RAI1: variants seen among roughly 807,000 people sequenced by gnomAD.
RAI1 encodes the protein retinoic acid-induced protein 1.
A neutral mutation model predicts 123.8 loss-of-function variants in RAI1; 9 were observed. The ratio of observed to expected loss-of-function variants is 0.07; its 90% CI spans 0.04 to 0.13. The LOEUF (loss-of-function observed/expected upper bound fraction) is 0.13. Ranked by LOEUF, RAI1 falls within the 10% of genes least tolerant of loss-of-function variation. RAI1 has a pLI of 1.00. For synonymous variants in RAI1, 1,231 were observed against 1,127.3 expected (o/e 1.09, Z -1.84); for missense variants, 2,256 against 2,545.8 (o/e 0.89, Z 2.45).
At chr17:17,754,114 G>A (rs1259327438) in intron 2 of RAI1, among the ~76,000 whole-genome samples, 2 of 151,542 alleles carry the variant, frequency 1.3e-5, no homozygotes, top group Admixed American at 6.6e-5. Context: ...CGAGCCACTG[G>A]CCAGCTGTGC....
rs1156931962 is a variant in RAI1, at chr17:17,805,929, T to TGGTTGC, written c.5659+2080_5659+2081insGGTTGC. On this transcript the variant is annotated intron_variant, in intron 4 of 5. Coordinates refer to ENST00000353383, the MANE Select transcript of RAI1 (RefSeq NM_030665.4). ...TACAGAACCATGTTGTTTCCAGCCA[T>TGGTTGC]CTTCACAGATTGGCTGCCTCACCCA... Among the ~76,000 whole-genome samples, 8 of 152,306 alleles carry TGGTTGC rather than the reference T, an allele frequency of 5.3e-5. No individual in the cohort carries two copies. The East Asian group carries it at 5.8e-4, about 11-fold the overall frequency.
At chr17:17,730,703 C>T (rs1916240602) in intron 2 of RAI1, among the ~76,000 whole-genome samples, 1 of 152,206 alleles carries the variant, frequency 6.6e-6, no homozygotes, top group Non-Finnish European at 1.5e-5. Context: ...AGGGGAGCTC[C>T]CCTGCCCAAG....
intron 2 of RAI1, among the ~76,000 whole-genome samples, chr17:17,788,626 A>G (rs2031911021): frequency 6.6e-6 from 1 of 152,114 alleles, no homozygotes; most frequent in Non-Finnish European, 1.5e-5. Flanking sequence ...GCAGCTACAA[A>G]TCATGAAAAC....
chr17:17,777,420 C>G lies in RAI1; in HGVS notation c.-16-15513C>G, dbSNP rs1272826290. Reference sequence around the variant, plus strand: ...GCACCCGTTACCAACTGCAAGATCTCAGGCAATAGGCTTCACCCCGTGGGG... The same window carrying G: ...GCACCCGTTACCAACTGCAAGATCTGAGGCAATAGGCTTCACCCCGTGGGG... On this transcript the variant is annotated intron_variant, in intron 2 of 5. Coordinates refer to ENST00000353383, the MANE Select transcript of RAI1 (RefSeq NM_030665.4). 4 of 152,386 alleles carry G rather than the reference C, an allele frequency of 2.6e-5. No homozygotes were observed. In the South Asian group the frequency reaches 8.3e-4, roughly 32 times the overall value. The allele number at this position is 152,386 out of a possible 1,614,324, so 9.4% of individuals were successfully genotyped here. A position where few individuals can be genotyped will look rare whatever the true frequency, so the allele number is the denominator to read the frequency against.
At chr17:17,726,186 C>T (rs985544910) in intron 2 of RAI1, among the ~76,000 whole-genome samples, 1 of 152,110 alleles carries the variant, frequency 6.6e-6, no homozygotes, top group African/African-American at 2.4e-5. Flanking sequence ...AAGCCAGGGC[C>T]ATCGGAAACT....
intron 2 of RAI1, chr17:17,779,620 A>G (rs963979045): frequency 2.6e-5 from 4 of 152,114 alleles, no homozygotes; most frequent in African/African-American, 9.7e-5. Context: ...AAGGAACAAG[A>G]CCCATGTGGA....
intron 1 of RAI1, among the ~76,000 whole-genome samples, chr17:17,689,930 G>GC (rs1193065903): frequency 1.3e-5 from 2 of 152,134 alleles, no homozygotes; most frequent in East Asian, 3.9e-4. Context: ...AGAAAGGGGT[G>GC]CCAAAGCCCC....
At position 17,796,737 on chromosome 17, in the gene RAI1, T is replaced by TGAG. The variant is rs750365760; in HGVS notation, c.3791_3793dup (p.Glu1264dup). The TGAG allele has an allele frequency of 1.2e-6, 2 of 1,613,306 alleles. No individual in the cohort carries two copies. The highest frequency in any genetic ancestry group is 8.5e-7 in the Non-Finnish European group (1 of 1,179,872). On this transcript the variant is annotated inframe_insertion, in exon 3 of 6. Coordinates refer to ENST00000353383, the MANE Select transcript of RAI1 (RefSeq NM_030665.4). The surrounding 1 kb of genome is among the most constrained non-coding windows in gnomAD (Gnocchi z 5.8). ...GGGGAGATGGGAAGGAGGAGAGGCC[T>TGAG]GAGGGTTCCCCCACCCTCTTCAAGA... is the stretch of plus-strand genomic sequence containing the variant.
At position 17,795,314 on chromosome 17, in the gene RAI1, C is replaced by G. The variant is rs1336565717; in HGVS notation, c.2366C>G (p.Ala789Gly). 1.2e-6 allele frequency: 2 copies of G among 1,605,698 alleles called. No individual in the cohort carries two copies. The highest frequency in any genetic ancestry group is 2.2e-5 in the East Asian group (1 of 44,650). Residue 789 changes from alanine (A) to glycine (G), a missense_variant, in exon 3 of 6, where the codon GCC becomes GGC. By Grantham distance (60) the Ala-to-Gly change is moderately conservative (BLOSUM62 0). Around this residue, in one of 7 missense-constraint regions of RAI1, gnomAD observed 566 missense variants for 616.0 expected, o/e 0.92. Transcript: ENST00000353383. The surrounding 1 kb of genome is among the most constrained non-coding windows in gnomAD (Gnocchi z 5.9). ...AAAGGGGACACCCATGAGGCTTCGG[C>G]CTGCCTGGGCTTCCAGGAGGAGGAC... ...ISKGDTHEAS[A>G]CLGFQEEDPP...
rs746154438 is a variant in RAI1 at position 17,809,168 on chromosome 17, A to T, written c.5660-222A>T. 6.9e-5 allele frequency: 44 copies of T among 636,738 alleles called. No individual in the cohort carries two copies. Among genetic ancestry groups the T allele is most frequent in the African/African-American group, 6.6e-4 (36 of 54,898 alleles). 39.4% of individuals were successfully genotyped at this position (636,738 alleles called of 1,614,324 possible). On this transcript the variant is annotated intron_variant, in intron 4 of 5. Transcript: ENST00000353383. This position sits in a 1 kb window ranked among gnomAD's most constrained non-coding sequence, Gnocchi z 4.9. Reference sequence around the variant, plus strand: ...CAGGGGGAAAAGCTCTCCGCGGAGGAGGTGAGGTGAGTCAAGACTGCCAGG... The same window carrying T: ...CAGGGGGAAAAGCTCTCCGCGGAGGTGGTGAGGTGAGTCAAGACTGCCAGG...
chr17:17,802,603 C>T (rs1333322362), intron 3 of RAI1, among the ~76,000 whole-genome samples: 5 of 151,906 alleles, frequency 3.3e-5, no homozygotes, highest in Non-Finnish European at 5.9e-5. Flanking sequence ...GGAGAAACCC[C>T]GTCTCTACTA....
Position 17,795,303 on chromosome 17 carries a change from T to C in RAI1, c.2355T>C (p.His785=), listed in dbSNP as rs776198467. 2 of 1,609,426 alleles carry C rather than the reference T, an allele frequency of 1.2e-6. No individual in the cohort carries two copies. The highest frequency in any genetic ancestry group is 8.5e-7 in the Non-Finnish European group (1 of 1,176,550). ...ASDGISKGDT[H]EASACLGFQE... is the part of the protein sequence containing the mutation. ...ATGGCATCAGCAAAGGGGACACCCA[T>C]GAGGCTTCGGCCTGCCTGGGCTTCC... The change falls in exon 3 of 6, where the codon CAT becomes CAC. Residue 785 remains histidine, a synonymous_variant. Coordinates refer to ENST00000353383, the MANE Select transcript of RAI1 (RefSeq NM_030665.4). The surrounding 1 kb of genome is among the most constrained non-coding windows in gnomAD (Gnocchi z 5.9).
chr17:17,720,660 T>C (rs1915850817), intron 1 of RAI1, among the ~76,000 whole-genome samples: 1 of 152,220 alleles, frequency 6.6e-6, no homozygotes, highest in African/African-American at 2.4e-5. Context: ...CAAAGAATCT[T>C]GAAATTGAGA....
rs1230388623 is a variant in RAI1, at chr17:17,797,934, C to T, written c.4986C>T (p.Pro1662=). ...LPGGSILQPR[P]SLPLSSTMHL... ...GAGGCTCCATCCTGCAGCCGCGGCCCTCCTTGCCCCTCTCCTCCACGATGC... is the reference window on the plus strand; with the variant it reads ...GAGGCTCCATCCTGCAGCCGCGGCCTTCCTTGCCCCTCTCCTCCACGATGC... The change falls in exon 3 of 6, where the codon CCC becomes CCT. Residue 1662 remains proline (P), a synonymous_variant. Transcript: ENST00000353383. 2.5e-6 allele frequency: 4 copies of T among 1,613,936 alleles called. No individual in the cohort carries two copies. Among genetic ancestry groups the T allele is most frequent in the Admixed American group, 1.7e-5 (1 of 60,008 alleles).
intron 2 of RAI1, among the ~76,000 whole-genome samples, chr17:17,726,209 G>T (rs62064085): frequency 2.9e-4 from 44 of 152,158 alleles, no homozygotes; most frequent in African/African-American, 7.5e-4. Flanking sequence ...AAGGGAAGTC[G>T]CCATGGGTCT....
At chr17:17,754,317 G>T (rs2030343469) in intron 2 of RAI1, among the ~76,000 whole-genome samples, 1 of 146,114 alleles carries the variant, frequency 6.8e-6, no homozygotes, top group Non-Finnish European at 1.5e-5. Flanking sequence ...CAGTTCTCCT[G>T]CCTCAGCCCC....
intron 2 of RAI1, among the ~76,000 whole-genome samples, chr17:17,749,324 C>T (rs998001180): frequency 1.3e-4 from 20 of 152,260 alleles, no homozygotes; most frequent in African/African-American, 4.6e-4. Flanking sequence ...CCTCCCTGCT[C>T]CTGCCTCCTG....
At chr17:17,725,208 C>A (rs1598037116) in intron 2 of RAI1, among the ~76,000 whole-genome samples, 1 of 152,146 alleles carries the variant, frequency 6.6e-6, no homozygotes, top group Admixed American at 6.5e-5. Context: ...CCCTCTTGGG[C>A]TTGGTGATTG....
At chr17:17,747,277 C>A (rs2029962077) in intron 2 of RAI1, among the ~76,000 whole-genome samples, 1 of 152,166 alleles carries the variant, frequency 6.6e-6, no homozygotes, top group Admixed American at 6.5e-5. Context: ...ACCCCTGGGG[C>A]TGCCTGGGAT....
Sources: gnomAD v4.1 joint callset for allele counts (sites outside exome capture counted in the v4.1 genomes callset) on GRCh38, gnomAD v4.1.1 for gene constraint, gnomAD v4.1.1 regional missense constraint, Gnocchi (gnomAD v3.1) non-coding constraint, MANE v1.5 for transcripts, NCBI Gene and HGNC (gene_info 2026-07-23, HGNC 2026-07-21) for gene names.